Variants in SCGB2B2 observed in about 807,000 individuals in gnomAD.
SCGB2B2 encodes the protein secretoglobin-like protein.
Under a neutral mutation model 7.6 loss-of-function variants are expected in SCGB2B2, and 11 were observed. The ratio of observed to expected loss-of-function variants is 1.45; its 90% confidence interval spans 0.91 to 2.40. SCGB2B2 has a LOEUF of 2.40. SCGB2B2 is among the 30% of genes most tolerant of loss of function. The pLI is 0.00. For missense variants in SCGB2B2, 104 were observed against 115.4 expected (o/e 0.90, Z 0.45); for synonymous variants, 50 against 48.6 (o/e 1.03, Z -0.12).
At chr19:34,668,124 A>T (rs1340308740) in intron 1 of SCGB2B2, among the ~76,000 whole-genome samples, 1 of 152,172 alleles carries the variant, frequency 6.6e-6, no homozygotes, top group East Asian at 1.9e-4. Flanking sequence ...CCAGCGCTGC[A>T]CTGTGGGAGC....
At chr19:34,616,827 T>C (rs2066096372) in intron 1 of SCGB2B2, among the ~76,000 whole-genome samples, 1 of 151,976 alleles carries the variant, frequency 6.6e-6, no homozygotes, top group South Asian at 2.1e-4. Context: ...AGGTCTAAGG[T>C]TTAAGTCTTT....
At chr19:34,675,158 G>A (rs2067891747) in intron 1 of SCGB2B2, among the ~76,000 whole-genome samples, 1 of 152,220 alleles carries the variant, frequency 6.6e-6, no homozygotes, top group Non-Finnish European at 1.5e-5. Flanking sequence ...TTCACAAAGA[G>A]AGTGTTGGCA....
chr19:34,586,777 G>A (rs933737678), downstream of SCGB2B2, among the ~76,000 whole-genome samples: 3 of 152,140 alleles, frequency 2.0e-5, no homozygotes, highest in Non-Finnish European at 2.9e-5. Context: ...TCCTTGTGCT[G>A]TGCTTTTGTA....
intron 1 of SCGB2B2, among the ~76,000 whole-genome samples, chr19:34,600,918 G>GGT (rs59535318): frequency 0.33 from 49,623 of 149,968 alleles, 9,126 homozygotes; most frequent in African/African-American, 0.52. Context: ...CTCGGGGTGT[G>GGT]GTGTGTGTGT....
Position 34,592,222 on chromosome 19 carries a change from T to C in SCGB2B2, c.*1333A>G, listed in dbSNP as rs2065314090. On this transcript the variant is annotated 3_prime_UTR_variant, in exon 4 of 4. Transcript: ENST00000601241. ...CAGTGGGAGTGAGGGAGGAGAAGAA[T>C]GTTGAAAGGAAATCTGGGAGTGCAA... Among the ~76,000 whole-genome samples, 1 of 151,712 alleles carries C rather than the reference T, an allele frequency of 6.6e-6. No homozygotes were observed. The highest frequency in any genetic ancestry group is 1.5e-5 in the Non-Finnish European group (1 of 67,934).
At position 34,617,903 on chromosome 19, in the gene SCGB2B2, C is replaced by T. The variant is rs559336451; in HGVS notation, c.-2031-21309G>A. Reference sequence around the variant, plus strand: ...GGGAGTGACCCGATTTTCCAGGTGCCGTCTGTCACCCCTTTCTTTGACTAG... The same window carrying T: ...GGGAGTGACCCGATTTTCCAGGTGCTGTCTGTCACCCCTTTCTTTGACTAG... On this transcript the variant is annotated intron_variant, in intron 1 of 3. Transcript: ENST00000601241. 4.0e-4 allele frequency among the ~76,000 whole-genome samples: 61 copies of T among 152,290 alleles called. 1 individual carries two copies. The highest frequency in any genetic ancestry group is 1.4e-3 in the African/African-American group (58 of 41,544).
Position 34,592,539 on chromosome 19 carries a change from G to A in SCGB2B2, c.*1016C>T, listed in dbSNP as rs1600030886. Among the ~76,000 whole-genome samples the A allele has an allele frequency of 6.6e-6, 1 of 152,152 alleles. No individual in the cohort carries two copies. The highest frequency in any genetic ancestry group is 6.5e-5 in the Admixed American group (1 of 15,304). ...GCGGTGTGAGCTGATAGGGGTAGGCGACCACCGCCTGGGAGGTCCAAGGAG... is the reference window on the plus strand; with the variant it reads ...GCGGTGTGAGCTGATAGGGGTAGGCAACCACCGCCTGGGAGGTCCAAGGAG... On this transcript the variant is annotated 3_prime_UTR_variant, in exon 4 of 4. Coordinates refer to ENST00000601241, the MANE Select transcript of SCGB2B2 (RefSeq NM_001025591.4).
At chr19:34,668,252 C>T (rs2146190986) in intron 1 of SCGB2B2, among the ~76,000 whole-genome samples, 1 of 152,314 alleles carries the variant, frequency 6.6e-6, no homozygotes, top group East Asian at 1.9e-4. Context: ...GCTGGAGTTC[C>T]CGGTGGGCGT....
At chr19:34,637,183 C>T (rs1259515179) in intron 1 of SCGB2B2, among the ~76,000 whole-genome samples, 2 of 152,138 alleles carry the variant, frequency 1.3e-5, no homozygotes, top group Non-Finnish European at 2.9e-5. Context: ...AATGATTCTG[C>T]ATAGTCACTC....
chr19:34,604,606 T>C (rs1193958414), intron 1 of SCGB2B2, among the ~76,000 whole-genome samples: 1 of 152,250 alleles, frequency 6.6e-6, no homozygotes, highest in Non-Finnish European at 1.5e-5. Flanking sequence ...GAATCCTTAC[T>C]TTCTATAGAT....
At chr19:34,675,342 T>C (rs2067896074) in intron 1 of SCGB2B2, among the ~76,000 whole-genome samples, 1 of 152,230 alleles carries the variant, frequency 6.6e-6, no homozygotes, top group Non-Finnish European at 1.5e-5. Context: ...CTGATGCCAG[T>C]GTTTTTTAAA....
At chr19:34,602,910 G>A (rs971274076) in intron 1 of SCGB2B2, among the ~76,000 whole-genome samples, 4 of 152,130 alleles carry the variant, frequency 2.6e-5, no homozygotes, top group Non-Finnish European at 5.9e-5. Context: ...GGACACTGAT[G>A]GATACAGAGA....
intron 1 of SCGB2B2, among the ~76,000 whole-genome samples, chr19:34,631,104 G>A (rs2066518565): frequency 7.6e-6 from 1 of 131,380 alleles, no homozygotes; most frequent in Admixed American, 8.4e-5. Context: ...TCACACACCG[G>A]GGCCTGTTGT....
intron 1 of SCGB2B2, among the ~76,000 whole-genome samples, chr19:34,666,933 C>A (rs1024890449): frequency 6.6e-6 from 1 of 152,132 alleles, no homozygotes; most frequent in South Asian, 2.1e-4. Context: ...AGTTTCTGAC[C>A]GAGGACAAGG....
intron 1 of SCGB2B2, among the ~76,000 whole-genome samples, chr19:34,651,341 G>T (rs1030178063): frequency 6.6e-6 from 1 of 151,026 alleles, no homozygotes; most frequent in African/African-American, 2.5e-5. Context: ...CTTATGTACA[G>T]AAAACCCCTA....
chr19:34,657,376 C>G (rs2067310050), intron 1 of SCGB2B2, among the ~76,000 whole-genome samples: 3 of 151,054 alleles, frequency 2.0e-5, no homozygotes, highest in Non-Finnish European at 2.9e-5. Context: ...AAAAGATGCA[C>G]ATAGGCTCAA....
chr19:34,643,068 G>A (rs531028208), intron 1 of SCGB2B2, among the ~76,000 whole-genome samples: 7 of 152,110 alleles, frequency 4.6e-5, no homozygotes, highest in Non-Finnish European at 7.4e-5. Flanking sequence ...TTATCTATCC[G>A]AAAAGGAGGA....
downstream of SCGB2B2, among the ~76,000 whole-genome samples, chr19:34,590,000 C>A (rs569894378): frequency 6.6e-6 from 1 of 152,306 alleles, no homozygotes; most frequent in South Asian, 2.1e-4. Flanking sequence ...GGACATAAAA[C>A]CACCTGCTCA....
intron 1 of SCGB2B2, among the ~76,000 whole-genome samples, chr19:34,610,938 T>C: frequency 6.6e-6 from 1 of 152,124 alleles, no homozygotes; most frequent in Non-Finnish European, 1.5e-5. Flanking sequence ...TGGAAGGAAG[T>C]CAGTGGAGTC....
Sources: allele counts gnomAD v4.1 joint callset (sites outside exome capture counted in the v4.1 genomes callset), GRCh38; gene constraint gnomAD v4.1.1; transcripts MANE v1.5; gene names NCBI Gene and HGNC (gene_info 2026-07-23, HGNC 2026-07-21).